Variants in FUT8 observed in about 807,000 individuals in gnomAD.
FUT8 encodes the protein alpha-(1,6)-fucosyltransferase.
Under a neutral mutation model 71.3 loss-of-function variants are expected in FUT8, and 29 were observed. That is an observed-to-expected ratio of 0.41 (90% CI 0.30 to 0.55). The LOEUF (loss-of-function observed/expected upper bound fraction) is 0.55. FUT8 is among the 20% of genes least tolerant of loss of function. FUT8 has a pLI of 0.34. For synonymous variants in FUT8, 254 were observed against 239.3 expected, an observed-to-expected ratio of 1.06 and a Z score of -0.57; for missense variants, 544 against 702.1, an observed-to-expected ratio of 0.77 and a Z score of 2.55.
chr14:65,461,966 G>T (rs1160844408), intron 2 of FUT8, among the ~76,000 whole-genome samples: 2 of 152,160 alleles, frequency 1.3e-5, no homozygotes, highest in Non-Finnish European at 2.9e-5. Flanking sequence ...TCTGGTTTCA[G>T]TTCTTTGATA....
intron 2 of FUT8, among the ~76,000 whole-genome samples, chr14:65,518,969 C>T (rs772636734): frequency 7.2e-4 from 109 of 152,172 alleles, no homozygotes; most frequent in Non-Finnish European, 1.4e-3. Context: ...GGATGGCCAT[C>T]TATTCATTCA....
At chr14:65,602,643 T>C (rs1306396432) in intron 3 of FUT8, among the ~76,000 whole-genome samples, 1 of 151,804 alleles carries the variant, frequency 6.6e-6, no homozygotes, top group Middle Eastern at 3.2e-3. Context: ...ACCAGCATTG[T>C]AGAAGTGTTC....
rs149475362 is a variant in FUT8 at position 65,531,192 on chromosome 14, G to A, written c.-227-30145G>A. ...AAAAGGACGTTTAAAAATTTTTTTCGAAAGGATATGAGGTACTCACGAAAG... is the reference window on the plus strand; with the variant it reads ...AAAAGGACGTTTAAAAATTTTTTTCAAAAGGATATGAGGTACTCACGAAAG... On this transcript the variant is annotated intron_variant, in intron 2 of 10. Coordinates refer to ENST00000673929, the MANE Select transcript of FUT8 (RefSeq NM_001371533.1). Among the ~76,000 whole-genome samples, 7 of 151,370 alleles carry A rather than the reference G, an allele frequency of 4.6e-5. No individual in the cohort carries two copies. The East Asian group carries it at 9.8e-4, about 21-fold the overall frequency.
At chr14:65,659,421 A>G (rs1891852270) in intron 6 of FUT8, among the ~76,000 whole-genome samples, 1 of 152,156 alleles carries the variant, frequency 6.6e-6, no homozygotes, top group Non-Finnish European at 1.5e-5. Context: ...ACCCAGAAGA[A>G]TGGTACTTTG....
intron 2 of FUT8, among the ~76,000 whole-genome samples, chr14:65,494,723 G>C (rs538092764): frequency 2.6e-5 from 4 of 151,868 alleles, no homozygotes; most frequent in Non-Finnish European, 5.9e-5. Flanking sequence ...TTTAAGCCCC[G>C]CATGCATTAG....
chr14:65,649,714 G>A (rs1255501866), intron 6 of FUT8, among the ~76,000 whole-genome samples: 1 of 152,128 alleles, frequency 6.6e-6, no homozygotes, highest in Non-Finnish European at 1.5e-5. Flanking sequence ...TCAAATAAAT[G>A]TTATATTTTC....
chr14:65,475,298 T>C (rs2066220409), intron 2 of FUT8, among the ~76,000 whole-genome samples: 1 of 152,178 alleles, frequency 6.6e-6, no homozygotes, highest in African/African-American at 2.4e-5. Flanking sequence ...CAAAATGTGA[T>C]TGAAAATAAA....
chr14:65,593,025 T>G (rs535071112), intron 3 of FUT8, among the ~76,000 whole-genome samples: 21 of 152,310 alleles, frequency 1.4e-4, no homozygotes, highest in Admixed American at 5.2e-4. Context: ...GATCATGTAA[T>G]GTATCCAGTT....
At chr14:65,478,441 A>C (rs1215805315) in intron 2 of FUT8, among the ~76,000 whole-genome samples, 1 of 152,164 alleles carries the variant, frequency 6.6e-6, no homozygotes, top group Non-Finnish European at 1.5e-5. Context: ...TATCCCCAAT[A>C]GGAAAAACTC....
At chr14:65,650,659 G>C (rs1311786118) in intron 6 of FUT8, among the ~76,000 whole-genome samples, 1 of 145,046 alleles carries the variant, frequency 6.9e-6, no homozygotes, top group Non-Finnish European at 1.5e-5. Context: ...CTTGAGATTT[G>C]GGTGGGGACA....
chr14:65,691,693 A>C lies in FUT8; in HGVS notation c.835+22213A>C, dbSNP rs373478301. Among the ~76,000 whole-genome samples the C allele has an allele frequency of 4.0e-3, 615 of 152,102 alleles. 2 individuals carry two copies. The highest frequency in any genetic ancestry group is 0.035 in the East Asian group (182 of 5,164). On this transcript the variant is annotated intron_variant, in intron 7 of 10. Coordinates refer to ENST00000673929, the MANE Select transcript of FUT8 (RefSeq NM_001371533.1). ...ATAGGACAATAGTGGAGGGAAGGTC[A>C]ACAGATAAACAAGTGAACAAAGGTC...
intron 2 of FUT8, among the ~76,000 whole-genome samples, chr14:65,542,120 A>G (rs1452416882): frequency 6.6e-6 from 1 of 152,222 alleles, no homozygotes; most frequent in African/African-American, 2.4e-5. Context: ...CTGTGAAGCA[A>G]TTAGTAAAGG....
intron 2 of FUT8, among the ~76,000 whole-genome samples, chr14:65,499,484 CTACTT>C (rs1280199596): frequency 1.3e-5 from 2 of 151,750 alleles, no homozygotes; most frequent in African/African-American, 4.8e-5. Flanking sequence ...TAATAAATAT[CTACTT>C]TATAGGTGTG....
chr14:65,667,470 G>T (rs180908394), intron 6 of FUT8, among the ~76,000 whole-genome samples: 2 of 152,144 alleles, frequency 1.3e-5, no homozygotes, highest in Admixed American at 1.3e-4. Context: ...TAACTAGGGA[G>T]GTGCAAGATC....
At chr14:65,442,034 A>T (rs1174081852) in intron 1 of FUT8, among the ~76,000 whole-genome samples, 1 of 151,646 alleles carries the variant, frequency 6.6e-6, no homozygotes, top group Admixed American at 6.6e-5. Flanking sequence ...ACCTATGTTT[A>T]CTCAGATTTA....
chr14:65,677,273 A>G (rs1421540515), intron 7 of FUT8, among the ~76,000 whole-genome samples: 1 of 151,858 alleles, frequency 6.6e-6, no homozygotes, highest in Non-Finnish European at 1.5e-5. Context: ...AGAATCATAA[A>G]CCTTCTTAGA....
intron 2 of FUT8, among the ~76,000 whole-genome samples, chr14:65,485,045 A>G (rs928808749): frequency 4.6e-5 from 7 of 152,044 alleles, no homozygotes. Flanking sequence ...TGCATTTAGA[A>G]TAACTTTTAG....
chr14:65,598,816 G>A (rs548421915), intron 3 of FUT8, among the ~76,000 whole-genome samples: 1 of 152,016 alleles, frequency 6.6e-6, no homozygotes, highest in South Asian at 2.1e-4. Flanking sequence ...CCCTGAGGTC[G>A]AGTCTCTGTC....
chr14:65,416,004 A>G (rs559422943), intron 1 of FUT8, among the ~76,000 whole-genome samples: 1 of 152,282 alleles, frequency 6.6e-6, no homozygotes, highest in East Asian at 1.9e-4. Flanking sequence ...TTTTTTGCAG[A>G]TAGTGTTTGG....
Sources: gnomAD v4.1 joint callset for allele counts (sites outside exome capture counted in the v4.1 genomes callset) on GRCh38, gnomAD v4.1.1 for gene constraint, MANE v1.5 for transcripts, NCBI Gene and HGNC (gene_info 2026-07-23, HGNC 2026-07-21) for gene names.